FLI1: variants seen among roughly 807,000 people sequenced by gnomAD.
The protein encoded by FLI1 is Friend leukemia integration 1 transcription factor.
A neutral mutation model predicts 53.1 loss-of-function variants in FLI1; 13 were observed. That is an observed-to-expected ratio of 0.24 (90% confidence interval 0.16 to 0.39). FLI1 has a LOEUF of 0.39. Among genes scored for constraint, FLI1 ranks in the 10% least tolerant of loss-of-function variants. The probability of loss-of-function intolerance (pLI) is 1.00; values close to 1 mark genes in which losing one functional copy is unlikely to be tolerated. For missense variants in FLI1, 424 were observed against 600.5 expected (o/e 0.71, Z 3.07); for synonymous variants, 244 against 236.7 (o/e 1.03, Z -0.28).
At chr11:128,779,355 G>A (rs1290800622) in intron 4 of FLI1, among the ~76,000 whole-genome samples, 1 of 152,116 alleles carries the variant, frequency 6.6e-6, no homozygotes, top group Non-Finnish European at 1.5e-5. Context: ...CCTACTTCTG[G>A]GATTTTTTTG....
At chr11:128,757,893 C>T (rs1392145572) in intron 1 of FLI1, among the ~76,000 whole-genome samples, 1 of 152,202 alleles carries the variant, frequency 6.6e-6, no homozygotes, top group Non-Finnish European at 1.5e-5. Context: ...ATTCCTCCAT[C>T]CCCACTCCAC....
intron 1 of FLI1, among the ~76,000 whole-genome samples, chr11:128,708,105 A>G (rs1460300409): frequency 6.6e-6 from 1 of 152,222 alleles, no homozygotes; most frequent in Non-Finnish European, 1.5e-5. Flanking sequence ...ACTCCTGGGA[A>G]AACAGGGGTA....
upstream of FLI1, among the ~76,000 whole-genome samples, chr11:128,689,653 T>G (rs1020468704): frequency 7.2e-5 from 11 of 152,134 alleles, no homozygotes; most frequent in Non-Finnish European, 1.6e-4. Flanking sequence ...GGGGGTGTGA[T>G]GGAGATTGGA....
At chr11:128,723,984 T>A (rs1591755100) in intron 1 of FLI1, among the ~76,000 whole-genome samples, 1 of 131,966 alleles carries the variant, frequency 7.6e-6, no homozygotes, top group East Asian at 2.5e-4. Context: ...CTCTTGTCGC[T>A]CAGGCTGGAG....
At chr11:128,786,126 T>G (rs948446163) in intron 5 of FLI1, among the ~76,000 whole-genome samples, 6 of 152,224 alleles carry the variant, frequency 3.9e-5, no homozygotes, top group African/African-American at 1.4e-4. Flanking sequence ...GGAAATGTTT[T>G]AGAGCTCTCC....
rs138621798 is a variant in FLI1 at position 128,786,069 on chromosome 11, A to G, written c.655+4046A>G. On this transcript the variant is annotated intron_variant, in intron 5 of 8. Transcript: ENST00000527786. ...AAAAATACTGATGCCCAAGTGCCAA[A>G]AAATGATGCATTAATTCAGAACCTC... Among the ~76,000 whole-genome samples the G allele has an allele frequency of 2.2e-3, 337 of 152,374 alleles. 1 individual carries two copies. Among genetic ancestry groups the G allele is most frequent in the African/African-American group, 7.7e-3 (319 of 41,592 alleles).
intron 1 of FLI1, among the ~76,000 whole-genome samples, chr11:128,698,666 T>G (rs923789505): frequency 1.3e-5 from 2 of 151,928 alleles, no homozygotes; most frequent in Admixed American, 6.6e-5. Context: ...TTTGTTACAT[T>G]TTTATGAATT....
rs35230795 is a variant in FLI1, at chr11:128,703,842, C to CAAAAAAA, written c.18+9581_18+9587dup. Among the ~76,000 whole-genome samples, 5 of 45,944 alleles carry CAAAAAAA rather than the reference C, an allele frequency of 1.1e-4. 1 individual carries two copies. The highest frequency in any genetic ancestry group is 1.1e-4 in the African/African-American group (1 of 9,332). The allele number at this position is 45,944 out of a possible 152,430, so 30.1% of individuals were successfully genotyped here. On this transcript the variant is annotated intron_variant, in intron 1 of 8. Coordinates refer to ENST00000527786, the MANE Select transcript of FLI1 (RefSeq NM_002017.5). ...TGGGTGACAGAGCGAGACTCCGTCTCAAAAAAAAAAAAAAAAAAAAACAAA... is the reference window on the plus strand; with the variant it reads ...TGGGTGACAGAGCGAGACTCCGTCTCAAAAAAAAAAAAAAAAAAAAAAAAAAAACAAA...
intron 1 of FLI1, among the ~76,000 whole-genome samples, chr11:128,741,910 G>A (rs978087089): frequency 7.9e-5 from 12 of 152,172 alleles, no homozygotes; most frequent in South Asian, 2.1e-4. Context: ...GGACTGTCTC[G>A]GGAGCTCCCA....
intron 1 of FLI1, among the ~76,000 whole-genome samples, chr11:128,734,286 A>G (rs181566406): frequency 2.5e-4 from 38 of 152,338 alleles, no homozygotes; most frequent in Admixed American, 1.3e-3. Context: ...CCACGTCCAC[A>G]GTGCTCTGAA....
chr11:128,737,378 C>T (rs562174815), intron 1 of FLI1, among the ~76,000 whole-genome samples: 9 of 152,268 alleles, frequency 5.9e-5, no homozygotes, highest in African/African-American at 2.2e-4. Context: ...ATGGGGCATG[C>T]GTCTCCCATC....
At chr11:128,764,601 C>T (rs879811769) in intron 2 of FLI1, 1 of 1,506,798 alleles carries the variant, frequency 6.6e-7, no homozygotes, top group Non-Finnish European at 8.9e-7. Context: ...ATGGCAAAAC[C>T]TCGTCCCGCA....
At chr11:128,809,267 A>G (rs558541954) in intron 8 of FLI1, 63 bp downstream of exon 8, 1 of 1,418,608 alleles carries the variant, frequency 7.0e-7, no homozygotes, top group Non-Finnish European at 1.0e-6. Flanking sequence ...GTGAAATCAC[A>G]GAGACTTCTG....
chr11:128,731,534 CAAAACAAAAAACAAAAAT>C lies in FLI1; in HGVS notation c.19-26565_19-26548del, dbSNP rs1286746106. ...AGAAAAAACAAACAAAAAACAAAAACAAAACAAAAAACAAAAATAAAACAAAAAACAAACAAAAAAACC... is the reference window on the plus strand; with the variant it reads ...AGAAAAAACAAACAAAAAACAAAAACAAAACAAAAAACAAACAAAAAAACC... On this transcript the variant is annotated intron_variant, in intron 1 of 8. Transcript: ENST00000527786. Among the ~76,000 whole-genome samples the C allele has an allele frequency of 6.1e-5, 9 of 148,662 alleles. 1 individual carries two copies. The South Asian group carries it at 1.3e-3, about 21-fold the overall frequency.
chr11:128,800,468 A>G (rs1942601019), intron 5 of FLI1, among the ~76,000 whole-genome samples: 1 of 152,134 alleles, frequency 6.6e-6, no homozygotes, highest in African/African-American at 2.4e-5. Context: ...GGGCTTTCAG[A>G]CAGCAGAGGC....
At chr11:128,753,805 G>A (rs556245145) in intron 1 of FLI1, among the ~76,000 whole-genome samples, 3 of 152,114 alleles carry the variant, frequency 2.0e-5, no homozygotes, top group Admixed American at 1.3e-4. Context: ...TGCCTCCTCC[G>A]TCCCTACTCT....
intron 2 of FLI1, among the ~76,000 whole-genome samples, chr11:128,760,499 A>C (rs1269750461): frequency 6.0e-5 from 9 of 149,840 alleles, no homozygotes; most frequent in Non-Finnish European, 8.9e-5. Flanking sequence ...TTGAAGATCC[A>C]GATCCCACTG....
At chr11:128,752,367 T>G (rs1364767566) in intron 1 of FLI1, among the ~76,000 whole-genome samples, 1 of 152,214 alleles carries the variant, frequency 6.6e-6, no homozygotes, top group African/African-American at 2.4e-5. Context: ...TATCCAGAAT[T>G]ACCAGATCAG....
intron 6 of FLI1, 104 bp from the exon 7 acceptor site, chr11:128,807,076 G>T: frequency 3.6e-6 from 2 of 554,698 alleles, no homozygotes; most frequent in Non-Finnish European, 6.3e-6. Context: ...TGAGTCAGTG[G>T]AGAGTGGGCG....
Sources: allele counts gnomAD v4.1 joint callset (sites outside exome capture counted in the v4.1 genomes callset), GRCh38; gene constraint gnomAD v4.1.1; transcripts MANE v1.5; gene names NCBI Gene and HGNC (gene_info 2026-07-23, HGNC 2026-07-21).